Variants in PCDH15 observed in about 807,000 individuals in gnomAD.
PCDH15 encodes protocadherin-15.
Under a neutral mutation model 178.5 loss-of-function variants are expected in PCDH15, and 129 were observed. The ratio of observed to expected loss-of-function variants is 0.72; its 90% CI spans 0.63 to 0.84. The LOEUF is 0.84. Among genes scored for constraint, PCDH15 ranks in the 40% least tolerant of loss-of-function variants. The pLI is 0.00. For missense variants in PCDH15, 2,230 were observed against 2,099.9 expected, an observed-to-expected ratio of 1.06 and a Z score of -1.21; for synonymous variants, 800 against 732.0, an observed-to-expected ratio of 1.09 and a Z score of -1.50.
At chr10:55,619,556 G>A (rs1843546214) in intron 2 of PCDH15, among the ~76,000 whole-genome samples, 2 of 151,942 alleles carry the variant, frequency 1.3e-5, no homozygotes, top group South Asian at 2.1e-4. Flanking sequence ...TGCCTAGCTT[G>A]CAATAACTTT....
chr10:53,821,944 T>G, intron 32 of PCDH15: 1 of 1,613,772 alleles, frequency 6.2e-7, no homozygotes, highest in Non-Finnish European at 8.5e-7. Flanking sequence ...TCAGATGTGA[T>G]TTCCATATTT....
At chr10:54,692,953 G>A (rs139841040) in intron 1 of PCDH15, among the ~76,000 whole-genome samples, 4 of 151,946 alleles carry the variant, frequency 2.6e-5, no homozygotes, top group Non-Finnish European at 4.4e-5. Context: ...GGTGCAGAAC[G>A]TGCAGGTTCG....
intron 15 of PCDH15, among the ~76,000 whole-genome samples, chr10:54,113,452 T>C (rs1333612427): frequency 1.3e-5 from 2 of 152,086 alleles, no homozygotes; most frequent in East Asian, 1.9e-4. Flanking sequence ...CTTAGAACAG[T>C]GTGAATGTGC....
chr10:54,986,745 CT>C (rs1231493554), intron 2 of PCDH15, among the ~76,000 whole-genome samples: 1 of 152,094 alleles, frequency 6.6e-6, no homozygotes, highest in Non-Finnish European at 1.5e-5. Context: ...GTAACTACCG[CT>C]TTGATGTGCC....
chr10:54,580,135 A>G (rs1395436289), intron 2 of PCDH15, among the ~76,000 whole-genome samples: 2 of 152,060 alleles, frequency 1.3e-5, no homozygotes, highest in African/African-American at 4.8e-5. Context: ...GCAGAACTGA[A>G]TGAAGTAGAG....
chr10:54,912,190 A>G (rs1954830410), intron 2 of PCDH15, among the ~76,000 whole-genome samples: 1 of 152,124 alleles, frequency 6.6e-6, no homozygotes, highest in African/African-American at 2.4e-5. Context: ...TTATAAATAA[A>G]TGCTAATTCA....
intron 1 of PCDH15, among the ~76,000 whole-genome samples, chr10:54,792,915 A>G (rs142054912): frequency 3.8e-4 from 58 of 151,962 alleles, no homozygotes; most frequent in African/African-American, 1.4e-3. Flanking sequence ...AAGGAAATGT[A>G]CTGAGTCCCC....
intron 2 of PCDH15, among the ~76,000 whole-genome samples, chr10:55,095,530 T>C (rs1163888343): frequency 6.6e-6 from 1 of 152,088 alleles, no homozygotes; most frequent in Non-Finnish European, 1.5e-5. Context: ...TGTCCTTCTT[T>C]TCTTTCTACC....
chr10:55,024,650 G>T (rs1840430627), intron 2 of PCDH15, among the ~76,000 whole-genome samples: 1 of 152,028 alleles, frequency 6.6e-6, no homozygotes. Context: ...TCAAGAAACT[G>T]CATTATTATT....
intron 2 of PCDH15, among the ~76,000 whole-genome samples, chr10:55,512,484 A>G (rs1840907812): frequency 6.6e-6 from 1 of 151,992 alleles, no homozygotes; most frequent in East Asian, 1.9e-4. Context: ...GAGGGCTTCA[A>G]CTGTGATTTT....
intron 2 of PCDH15, among the ~76,000 whole-genome samples, chr10:55,098,335 G>A (rs1340647902): frequency 6.6e-6 from 1 of 152,078 alleles, no homozygotes. Flanking sequence ...TTTGGTATAG[G>A]AGTTAAAAAG....
chr10:55,522,041 A>T (rs1189740661), intron 2 of PCDH15, among the ~76,000 whole-genome samples: 1 of 151,924 alleles, frequency 6.6e-6, no homozygotes, highest in Non-Finnish European at 1.5e-5. Context: ...AACCATCATA[A>T]GTCTGACCAG....
chr10:54,151,431 C>T (rs1212030609), intron 14 of PCDH15, among the ~76,000 whole-genome samples: 2 of 152,058 alleles, frequency 1.3e-5, no homozygotes, highest in Non-Finnish European at 2.9e-5. Flanking sequence ...GTCCCCACTA[C>T]TAGTGAGGCT....
At chr10:54,982,265 G>A (rs559414623) in intron 2 of PCDH15, among the ~76,000 whole-genome samples, 3 of 152,156 alleles carry the variant, frequency 2.0e-5, no homozygotes, top group South Asian at 2.1e-4. Flanking sequence ...AGGCAATATA[G>A]ACACAATCCT....
intron 1 of PCDH15, among the ~76,000 whole-genome samples, chr10:54,754,501 C>T (rs913112845): frequency 8.5e-5 from 13 of 152,124 alleles, no homozygotes; most frequent in Admixed American, 4.6e-4. Context: ...TGCCGACACA[C>T]ATCTAATTAT....
intron 2 of PCDH15, among the ~76,000 whole-genome samples, chr10:54,959,590 A>G (rs1490198507): frequency 2.0e-5 from 3 of 152,192 alleles, no homozygotes; most frequent in South Asian, 4.1e-4. Flanking sequence ...AATATCACTA[A>G]TAGTGAGACA....
intron 3 of PCDH15, among the ~76,000 whole-genome samples, chr10:54,873,627 G>A (rs950269521): frequency 3.5e-5 from 5 of 142,804 alleles, no homozygotes; most frequent in East Asian, 2.1e-4. Flanking sequence ...TAATCTTCCC[G>A]TATGTTCTCT....
chr10:54,702,270 C>A (rs2095316325), intron 1 of PCDH15, among the ~76,000 whole-genome samples: 1 of 151,742 alleles, frequency 6.6e-6, no homozygotes, highest in African/African-American at 2.4e-5. Flanking sequence ...AACAAAGATA[C>A]AACACATCAG....
At chr10:54,275,378 G>C (rs2058293499) in intron 8 of PCDH15, among the ~76,000 whole-genome samples, 1 of 151,848 alleles carries the variant, frequency 6.6e-6, no homozygotes, top group Admixed American at 6.6e-5. Flanking sequence ...CTGAAGCACA[G>C]AGAGCACTTG....
Sources: allele counts gnomAD v4.1 joint callset (sites outside exome capture counted in the v4.1 genomes callset), GRCh38; gene constraint gnomAD v4.1.1; transcripts MANE v1.5; gene names NCBI Gene and HGNC (gene_info 2026-07-23, HGNC 2026-07-21).